Variants in ZNF578 observed in about 807,000 individuals in gnomAD.
ZNF578 encodes zinc finger protein 578.
A neutral mutation model predicts 8.3 loss-of-function variants in ZNF578; 8 were observed. That is an observed-to-expected ratio of 0.96 (90% confidence interval 0.56 to 1.74). The LOEUF (loss-of-function observed/expected upper bound fraction) is 1.74, where lower values mean the gene tolerates loss of function less well. ZNF578 is among the 40% of genes most tolerant of loss of function. The pLI is 0.00. For missense variants in ZNF578, 726 were observed against 707.5 expected (o/e 1.03, Z -0.30); for synonymous variants, 206 against 232.2 (o/e 0.89, Z 1.03).
intron 3 of ZNF578, among the ~76,000 whole-genome samples, chr19:52,496,041 A>G (rs376507246): frequency 1.4e-4 from 21 of 151,776 alleles, no homozygotes; most frequent in African/African-American, 4.4e-4. Context: ...TCTTTTTGAG[A>G]TGGAGTCTCT....
chr19:52,463,721 T>G (rs1414518093), intron 2 of ZNF578, among the ~76,000 whole-genome samples: 1 of 152,180 alleles, frequency 6.6e-6, no homozygotes, highest in Non-Finnish European at 1.5e-5. Context: ...ACTGGCTGAT[T>G]AAAATCTTCT....
chr19:52,497,357 A>G (rs1006211225), intron 3 of ZNF578, among the ~76,000 whole-genome samples: 1 of 152,066 alleles, frequency 6.6e-6, no homozygotes, highest in African/African-American at 2.4e-5. Flanking sequence ...TGGCCTCCCA[A>G]AGTGCTTGTG....
chr19:52,460,837 G>C lies in ZNF578; in HGVS notation c.-122+3879G>C, dbSNP rs568007220. Among the ~76,000 whole-genome samples the C allele has an allele frequency of 2.6e-5, 4 of 152,152 alleles. No homozygotes were observed. The South Asian group carries it at 8.3e-4, about 32-fold the overall frequency. Reference sequence around the variant, plus strand: ...GAGATGATGGCATTGTTTTTGTTCTGAATTATATTAATAGTAGTGATATAG... The same window carrying C: ...GAGATGATGGCATTGTTTTTGTTCTCAATTATATTAATAGTAGTGATATAG... On this transcript the variant is annotated intron_variant, in intron 2 of 5. Transcript: ENST00000421239.
At position 52,506,581 on chromosome 19, in the gene ZNF578, T is replaced by A. The variant is rs1474014283; in HGVS notation, c.190+1800T>A. On this transcript the variant is annotated intron_variant, in intron 5 of 5. Transcript: ENST00000421239. The stretch of plus-strand genomic sequence containing the variant: ...CTCCCAGGTCAGGCAATCTCCTACC[T>A]CAGCCTTCTGAGTAGCTGAAATTAC... Among the ~76,000 whole-genome samples the A allele has an allele frequency of 2.0e-5, 3 of 146,396 alleles. No individual in the cohort carries two copies. The Admixed American group carries it at 2.1e-4, about 10-fold the overall frequency.
At chr19:52,485,564 C>T (rs560803603) in intron 2 of ZNF578, among the ~76,000 whole-genome samples, 12 of 152,106 alleles carry the variant, frequency 7.9e-5, no homozygotes, top group African/African-American at 2.9e-4. Context: ...AGAGATCAGA[C>T]TGTTACTGTG....
intron 2 of ZNF578, among the ~76,000 whole-genome samples, chr19:52,464,591 G>C (rs76794249): frequency 6.6e-6 from 1 of 152,086 alleles, no homozygotes; most frequent in African/African-American, 2.4e-5. Flanking sequence ...GGTGCTATAA[G>C]CAATCCAGCG....
At chr19:52,463,470 G>A (rs893477737) in intron 2 of ZNF578, among the ~76,000 whole-genome samples, 1 of 152,096 alleles carries the variant, frequency 6.6e-6, no homozygotes, top group African/African-American at 2.4e-5. Flanking sequence ...CAAAATTTGG[G>A]GCATCAGTCA....
intron 2 of ZNF578, among the ~76,000 whole-genome samples, chr19:52,489,202 A>C (rs1345273210): frequency 6.6e-6 from 1 of 151,280 alleles, no homozygotes; most frequent in Non-Finnish European, 1.5e-5. Context: ...CAGGAGAATC[A>C]TGCCACAATA....
In ZNF578 at chr19:52,474,834, C is replaced by T. The variant is rs1054740222; in HGVS notation, c.-121-16490C>T. On this transcript the variant is annotated intron_variant, in intron 2 of 5. Coordinates refer to ENST00000421239, the MANE Select transcript of ZNF578 (RefSeq NM_001099694.2). ...GAGACTTTCTCCAGTATGAATTCTT[C>T]GATGTTGTGCAAGGTTTGAATTGCA... is the stretch of plus-strand genomic sequence containing the variant. The T allele has an allele frequency of 6.4e-5, 13 of 202,558 alleles. 1 individual carries two copies. The highest frequency in any genetic ancestry group is 1.9e-4 in the African/African-American group (8 of 42,220). 12.5% of individuals were successfully genotyped at this position (202,558 alleles called of 1,614,324 possible). A position where few individuals can be genotyped will look rare whatever the true frequency, so the allele number is the denominator to read the frequency against.
intron 3 of ZNF578, among the ~76,000 whole-genome samples, chr19:52,491,638 C>G (rs1220341114): frequency 6.6e-6 from 1 of 151,816 alleles, no homozygotes. Context: ...TAGCTTCCAC[C>G]CAGTAGGCAG....
chr19:52,500,291 T>G (rs920398385), intron 3 of ZNF578, among the ~76,000 whole-genome samples: 22 of 152,258 alleles, frequency 1.4e-4, no homozygotes, highest in Admixed American at 1.2e-3. Flanking sequence ...AGAAGTACGT[T>G]GGTTTGGTCT....
At chr19:52,505,408 TTTTG>T (rs142211122) in intron 5 of ZNF578, among the ~76,000 whole-genome samples, 44,502 of 151,468 alleles carry the variant, frequency 0.29, 7,069 homozygotes, top group East Asian at 0.48. Flanking sequence ...ATTGTTCATT[TTTTG>T]TTTGTTTGTT....
chr19:52,505,055 C>T (rs2059420833), intron 5 of ZNF578, among the ~76,000 whole-genome samples: 2 of 152,016 alleles, frequency 1.3e-5, no homozygotes, highest in South Asian at 2.1e-4. Flanking sequence ...GCCCAGCTAA[C>T]TTTGTATTTT....
chr19:52,453,763 G>C (rs770172503), intron 1 of ZNF578, 156 bp downstream of exon 1: 3 of 152,278 alleles, frequency 2.0e-5, no homozygotes, highest in Non-Finnish European at 2.9e-5. Context: ...AAATCGCTTG[G>C]AGGCTGCTGG....
At chr19:52,499,415 G>A (rs2059398613) in intron 3 of ZNF578, among the ~76,000 whole-genome samples, 2 of 152,128 alleles carry the variant, frequency 1.3e-5, no homozygotes, top group African/African-American at 4.8e-5. Context: ...CCTGTGTCCA[G>A]TAGTCTCCTC....
intron 2 of ZNF578, among the ~76,000 whole-genome samples, chr19:52,477,653 A>G (rs189209159): frequency 1.3e-5 from 2 of 151,762 alleles, no homozygotes; most frequent in Admixed American, 6.6e-5. Flanking sequence ...AGACTTATCA[A>G]CTGCCAAATT....
At chr19:52,492,536 A>C (rs1254451700) in intron 3 of ZNF578, among the ~76,000 whole-genome samples, 1 of 152,234 alleles carries the variant, frequency 6.6e-6, no homozygotes, top group African/African-American at 2.4e-5. Context: ...TGTTCCTCCC[A>C]GGCAGGGCTT....
intron 4 of ZNF578, among the ~76,000 whole-genome samples, chr19:52,502,769 C>T (rs1409318094): frequency 6.6e-6 from 1 of 152,074 alleles, no homozygotes; most frequent in Non-Finnish European, 1.5e-5. Flanking sequence ...GAAGGTGTCG[C>T]TCTGTGGCTT....
chr19:52,487,009 T>G (rs1191229791), intron 2 of ZNF578, among the ~76,000 whole-genome samples: 2 of 147,372 alleles, frequency 1.4e-5, no homozygotes, highest in African/African-American at 2.5e-5. Flanking sequence ...ATGAGAGAGA[T>G]ATACAGAATT....
Sources: gnomAD v4.1 joint callset for allele counts (sites outside exome capture counted in the v4.1 genomes callset) on GRCh38, gnomAD v4.1.1 for gene constraint, MANE v1.5 for transcripts, NCBI Gene and HGNC (gene_info 2026-07-23, HGNC 2026-07-21) for gene names.